The following NPM2 variants were observed in gnomAD, a reference collection of about 807,000 sequenced individuals.
NPM2 encodes nucleoplasmin-2.
NPM2 carries 25 observed loss-of-function variants against 32.0 expected under a neutral mutation model. The observed-to-expected ratio is 0.78, with a 90% CI of 0.57 to 1.09. The LOEUF is 1.09. Among genes scored for constraint, NPM2 ranks in the 50% least tolerant of loss-of-function variants. The probability of loss-of-function intolerance (pLI) is 0.00; values close to 1 mark genes in which losing one functional copy is unlikely to be tolerated. For missense variants in NPM2, 282 were observed against 259.9 expected, an observed-to-expected ratio of 1.08 and a Z score of -0.58; for synonymous variants, 111 against 94.2, an observed-to-expected ratio of 1.18 and a Z score of -1.04.
intron 5 of NPM2, among the ~76,000 whole-genome samples, chr8:22,026,032 C>A (rs1308349691): frequency 6.6e-6 from 1 of 152,178 alleles, no homozygotes; most frequent in African/African-American, 2.4e-5. Context: ...AGAACTCGTC[C>A]TGTTAGGAAC....
rs184952659 is a variant in NPM2, at chr8:22,036,361, C to A, written c.567-132C>A. 45 of 777,650 alleles carry A rather than the reference C, an allele frequency of 5.8e-5. No individual in the cohort carries two copies. The East Asian group carries it at 1.2e-3, about 20-fold the overall frequency. 48.2% of individuals were successfully genotyped at this position (777,650 alleles called of 1,614,324 possible). On this transcript the variant is annotated intron_variant, in intron 8 of 9. Transcript: ENST00000518119. ...ACACACATCCCTTTGTTTAAAGAGT[C>A]CGAGTGGTCCCCAGGAGGAGCAGCC...
At chr8:22,030,316 G>A (rs996764537) in intron 5 of NPM2, among the ~76,000 whole-genome samples, 7 of 152,258 alleles carry the variant, frequency 4.6e-5, no homozygotes, top group Admixed American at 2.0e-4. Flanking sequence ...ATGGCTCACT[G>A]CAGCCTCAAA....
Position 22,036,485 on chromosome 8 carries a change from T to G in NPM2, c.567-8T>G. The G allele has an allele frequency of 6.2e-7, 1 of 1,604,454 alleles. No individual in the cohort carries two copies. Among genetic ancestry groups the G allele is most frequent in the Non-Finnish European group, 8.5e-7 (1 of 1,175,664 alleles). ...ATCCCACTCCTGCTCCGCTCCACCC[T>G]GTTGCAGAGCCAGCGTTAGAGACAA... is the stretch of plus-strand genomic sequence containing the variant. On this transcript the variant is annotated splice_region_variant and splice_polypyrimidine_tract_variant and intron_variant, in intron 8 of 9. Transcript: ENST00000518119.
In NPM2 at chr8:22,033,310, G is replaced by C. The variant is rs1245272992; in HGVS notation, c.364+87G>C. ...ATACTAGCTACTCAAACACTGGAGG[G>C]ATTCTTGAATGTTGGAAGAAAATCC... On this transcript the variant is annotated intron_variant, in intron 6 of 9. Transcript: ENST00000518119. 6 of 1,050,124 alleles carry C rather than the reference G, an allele frequency of 5.7e-6. No individual in the cohort carries two copies. In the East Asian group the frequency reaches 1.5e-4, roughly 25 times the overall value. The allele number at this position is 1,050,124 out of a possible 1,614,324, so 65.1% of individuals were successfully genotyped here. A position where few individuals can be genotyped will look rare whatever the true frequency, so the allele number is the denominator to read the frequency against.
In NPM2 at chr8:22,024,198, C is replaced by G. The variant is rs1046401709; in HGVS notation, c.-566C>G. ...GGCTCACCTCCCCACCCCACCTGCC[C>G]GCTGCGGCTCTCCGCGGGAGATCTC... On this transcript the variant is annotated 5_prime_UTR_variant, in exon 1 of 10. Coordinates refer to ENST00000518119, the MANE Select transcript of NPM2 (RefSeq NM_001286680.2). 4 of 152,696 alleles carry G rather than the reference C, an allele frequency of 2.6e-5. No individual in the cohort carries two copies. The East Asian group carries it at 5.8e-4, about 22-fold the overall frequency. The allele number at this position is 152,696 out of a possible 1,614,324, so 9.5% of individuals were successfully genotyped here. A position where few individuals can be genotyped will look rare whatever the true frequency, so the allele number is the denominator to read the frequency against.
At position 22,036,890 on chromosome 8, in the gene NPM2, G is replaced by C. The variant is rs373833129; in HGVS notation, c.*208G>C. ...CCTCGGGGTCACAATAAAGTTGCCT[G>C]GTCAGGACTTTCCTTCTCTTCCCTG... On this transcript the variant is annotated 3_prime_UTR_variant, in exon 10 of 10. Coordinates refer to ENST00000518119, the MANE Select transcript of NPM2 (RefSeq NM_001286680.2). 164 of 556,960 alleles carry C rather than the reference G, an allele frequency of 2.9e-4. No individual in the cohort carries two copies. In the African/African-American group the frequency reaches 3.1e-3, roughly 10 times the overall value. 34.5% of individuals were successfully genotyped at this position (556,960 alleles called of 1,614,324 possible).
At position 22,024,391 on chromosome 8, in the gene NPM2, CCCTT is replaced by C. The variant is rs1487647812; in HGVS notation, c.-369_-366del. ...GCAGCTTCCTGCCGGCTGCAGGCCT[CCCTT>C]CCTAAGCTGAGCTGAGGCTTCCTCT... is the stretch of plus-strand genomic sequence containing the variant. On this transcript the variant is annotated 5_prime_UTR_variant, in exon 1 of 10. The change creates a premature stop within an existing upstream ORF in the 5' untranslated region. Coordinates refer to ENST00000518119, the MANE Select transcript of NPM2 (RefSeq NM_001286680.2). 6.6e-6 allele frequency: 1 copy of C among 152,502 alleles called. No individual in the cohort carries two copies. The highest frequency in any genetic ancestry group is 1.9e-4 in the East Asian group (1 of 5,210). 9.4% of individuals were successfully genotyped at this position (152,502 alleles called of 1,614,324 possible). A position where few individuals can be genotyped will look rare whatever the true frequency, so the allele number is the denominator to read the frequency against.
chr8:22,036,698 G>A lies in NPM2; in HGVS notation c.*16G>A, dbSNP rs1297186429. The stretch of plus-strand genomic sequence containing the variant: ...CAAGAAATGAGGAGCCACGCCTTGG[G>A]GGGCACGGTGCAAAGTGGGCCTTCC... On this transcript the variant is annotated 3_prime_UTR_variant, in exon 10 of 10. Coordinates refer to ENST00000518119, the MANE Select transcript of NPM2 (RefSeq NM_001286680.2). 1 of 1,544,140 alleles carries A rather than the reference G, an allele frequency of 6.5e-7. No individual in the cohort carries two copies. Among genetic ancestry groups the A allele is most frequent in the South Asian group, 1.2e-5 (1 of 83,514 alleles).
chr8:22,031,594 C>T (rs1800443357), intron 5 of NPM2, among the ~76,000 whole-genome samples: 2 of 152,184 alleles, frequency 1.3e-5, no homozygotes, highest in African/African-American at 2.4e-5. Context: ...TACAGGTGTG[C>T]ACCATCACAC....
Position 22,029,682 on chromosome 8 carries a change from A to C in NPM2, c.271-3448A>C, listed in dbSNP as rs577063689. 3.9e-5 allele frequency among the ~76,000 whole-genome samples: 6 copies of C among 152,298 alleles called. No homozygotes were observed. In the South Asian group the frequency reaches 1.2e-3, roughly 32 times the overall value. On this transcript the variant is annotated intron_variant, in intron 5 of 9. Coordinates refer to ENST00000518119, the MANE Select transcript of NPM2 (RefSeq NM_001286680.2). ...TAGTAAGCCTGAGAATAGTAAACTT[A>C]TTCAGGCTTTGTCTGGAAATATCAT...
chr8:22,030,623 T>C (rs1464503773), intron 5 of NPM2, among the ~76,000 whole-genome samples: 2 of 152,158 alleles, frequency 1.3e-5, no homozygotes, highest in African/African-American at 2.4e-5. Context: ...TTATGATTCC[T>C]ACTTTTATAT....
intron 5 of NPM2, among the ~76,000 whole-genome samples, chr8:22,028,804 C>G (rs115782287): frequency 0.013 from 1,964 of 152,214 alleles, 21 homozygotes; most frequent in African/African-American, 0.037. Flanking sequence ...GTCTTATGTT[C>G]CAGGTATGTA....
chr8:22,027,693 G>A (rs371496333), intron 5 of NPM2, among the ~76,000 whole-genome samples: 30 of 150,182 alleles, frequency 2.0e-4, no homozygotes, highest in African/African-American at 5.7e-4. Context: ...TGCAACCTCC[G>A]CATCCCATGT....
intron 5 of NPM2, among the ~76,000 whole-genome samples, chr8:22,029,664 C>T (rs1800369834): frequency 6.6e-6 from 1 of 152,180 alleles, no homozygotes; most frequent in Admixed American, 6.5e-5. Flanking sequence ...CTTTAGTAAG[C>T]CTGAGAATAG....
At chr8:22,026,329 C>T (rs1254447307) in intron 5 of NPM2, among the ~76,000 whole-genome samples, 3 of 152,152 alleles carry the variant, frequency 2.0e-5, no homozygotes, top group Non-Finnish European at 4.4e-5. Context: ...CTGCTTTAAA[C>T]CATTCACTGC....
At position 22,034,231 on chromosome 8, in the gene NPM2, C is replaced by A; in HGVS notation, c.487C>A (p.Gln163Lys). 1 of 1,608,354 alleles carries A rather than the reference C, an allele frequency of 6.2e-7. No individual in the cohort carries two copies. Among genetic ancestry groups the A allele is most frequent in the Non-Finnish European group, 8.5e-7 (1 of 1,177,356 alleles). Residue 163 changes from glutamine (Q) to lysine (K), a missense_variant, in exon 7 of 10, where the codon CAA becomes AAA. Physicochemically the swap from Gln to Lys is moderately conservative, Grantham distance 53 (BLOSUM62 1). Transcript: ENST00000518119. ...ISLEEQSPVK[Q>K]VKRLVPQKQA... The stretch of plus-strand genomic sequence containing the variant: ...TCTGGAGGAGCAAAGCCCTGTCAAA[C>A]AAGTCAAAAGGCTGGTGCCCCAGAA...
intron 5 of NPM2, 38 bp downstream of exon 5, chr8:22,025,810 CCT>C: frequency 6.2e-7 from 1 of 1,612,554 alleles, no homozygotes; most frequent in African/African-American, 1.3e-5. Flanking sequence ...CTGCTGTCAG[CCT>C]CACCCTCACC....
chr8:22,025,112 G>T (rs1164194760), intron 2 of NPM2, 104 bp from the exon 3 acceptor site: 5 of 931,608 alleles, frequency 5.4e-6, no homozygotes, highest in Non-Finnish European at 7.9e-6. Flanking sequence ...CCCTCCAGCC[G>T]CGAGCGACCC....
At chr8:22,034,637 A>T in intron 8 of NPM2, 93 bp downstream of exon 8, 24 of 1,051,230 alleles carry the variant, frequency 2.3e-5, no homozygotes, top group Non-Finnish European at 3.5e-5. Context: ...TACGTGTACA[A>T]ATGTACACAC....
Sources: gnomAD v4.1 joint callset for allele counts (sites outside exome capture counted in the v4.1 genomes callset) on GRCh38, gnomAD v4.1.1 for gene constraint, MANE v1.5 for transcripts, NCBI Gene and HGNC (gene_info 2026-07-23, HGNC 2026-07-21) for gene names.